The following KAZN variants were observed in gnomAD, a reference collection of about 807,000 sequenced individuals.
KAZN encodes kazrin, periplakin interacting protein.
A neutral mutation model predicts 87.4 loss-of-function variants in KAZN; 40 were observed. The ratio of observed to expected loss-of-function variants is 0.46; its 90% CI spans 0.36 to 0.60. KAZN has a LOEUF of 0.60. Ranked by LOEUF, KAZN falls within the 20% of genes least tolerant of loss-of-function variation. KAZN has a pLI of 0.00. For synonymous variants in KAZN, 466 were observed against 458.3 expected, an observed-to-expected ratio of 1.02 and a Z score of -0.22; for missense variants, 898 against 1,073.9, an observed-to-expected ratio of 0.84 and a Z score of 2.29.
chr1:14,240,808 T>C (rs1458380473), intron 2 of KAZN, among the ~76,000 whole-genome samples: 1 of 152,250 alleles, frequency 6.6e-6, no homozygotes, highest in Non-Finnish European at 1.5e-5. Flanking sequence ...GAGCCAGCTT[T>C]GTAGGATTTC....
At chr1:14,127,458 C>T (rs1644898660) in intron 1 of KAZN, among the ~76,000 whole-genome samples, 2 of 149,154 alleles carry the variant, frequency 1.3e-5, no homozygotes, top group African/African-American at 5.0e-5. Flanking sequence ...AAAGGTTCAC[C>T]TAACACTGGA....
In KAZN at chr1:14,185,164, G is replaced by A. The variant is rs539663751; in HGVS notation, c.249+4572G>A. 2.6e-4 allele frequency among the ~76,000 whole-genome samples: 39 copies of A among 152,194 alleles called. 1 individual carries two copies. The South Asian group carries it at 7.9e-3, about 31-fold the overall frequency. ...GGCTATGGATGGTACCGCACATGTG[G>A]GTTTTCCTTATCCTCTGGGATGTAA... On this transcript the variant is annotated intron_variant, in intron 2 of 16. Coordinates refer to the KAZN transcript ENST00000636203.
intron 13 of KAZN, among the ~76,000 whole-genome samples, chr1:15,106,124 T>G (rs543429238): frequency 6.6e-6 from 1 of 151,968 alleles, no homozygotes; most frequent in Non-Finnish European, 1.5e-5. Flanking sequence ...TACTAAAAAT[T>G]AAAAAAATTC....
intron 1 of KAZN, among the ~76,000 whole-genome samples, chr1:14,873,368 T>G (rs1040697781): frequency 1.3e-5 from 2 of 152,278 alleles, no homozygotes; most frequent in Middle Eastern, 3.4e-3. Flanking sequence ...GTAAGCACTA[T>G]GAAGGAAAAT....
chr1:14,598,636 C>T (rs958149149), upstream of KAZN: 3 of 1,125,124 alleles, frequency 2.7e-6, no homozygotes, highest in African/African-American at 3.3e-5. The surrounding 1 kb of genome is among the most constrained non-coding windows in gnomAD (Gnocchi z 4.2). Context: ...CCCGAGCCGG[C>T]GGCGAATGGT....
At chr1:14,713,814 G>T (rs1422394029) in intron 1 of KAZN, among the ~76,000 whole-genome samples, 4 of 134,950 alleles carry the variant, frequency 3.0e-5, no homozygotes, top group African/African-American at 1.2e-4. Context: ...AGAATAATTA[G>T]GTGTGGTGAT....
intron 2 of KAZN, among the ~76,000 whole-genome samples, chr1:14,382,178 A>G (rs1486600549): frequency 6.6e-6 from 1 of 152,190 alleles, no homozygotes; most frequent in African/African-American, 2.4e-5. Flanking sequence ...ACACCAAAAA[A>G]AAGATATTCC....
intron 2 of KAZN, among the ~76,000 whole-genome samples, chr1:14,502,003 G>C (rs746954018): frequency 6.6e-6 from 1 of 152,138 alleles, no homozygotes; most frequent in Non-Finnish European, 1.5e-5. Flanking sequence ...GATTTTTGAG[G>C]GTTGGGTTAT....
chr1:14,348,045 T>C, intron 2 of KAZN, among the ~76,000 whole-genome samples: 1 of 97,968 alleles, frequency 1.0e-5, no homozygotes, highest in East Asian at 3.0e-4. Context: ...TCACCACACC[T>C]GGCTAATTTT....
At chr1:14,779,554 G>C (rs965778470) in intron 1 of KAZN, among the ~76,000 whole-genome samples, 3 of 152,152 alleles carry the variant, frequency 2.0e-5, no homozygotes, top group African/African-American at 4.8e-5. Flanking sequence ...CCCTGACCTC[G>C]CAGAAATACT....
rs903974136 is a variant in KAZN at position 15,015,157 on chromosome 1, T to C, written c.419-19592T>C. ...TTTTATTTATTTATTTATTTATTTA[T>C]TTATTTATTTATTTGAGACGGAGTC... On this transcript the variant is annotated intron_variant, in intron 2 of 14. Coordinates refer to ENST00000376030, the MANE Select transcript of KAZN (RefSeq NM_201628.3). Among the ~76,000 whole-genome samples the C allele has an allele frequency of 2.0e-5, 3 of 151,192 alleles. No homozygotes were observed. In the South Asian group the frequency reaches 6.2e-4, roughly 31 times the overall value.
intron 14 of KAZN, chr1:15,113,080 A>T (rs562060164): frequency 6.5e-6 from 1 of 153,770 alleles, no homozygotes; most frequent in East Asian, 1.9e-4. Context: ...AGATTCCTCA[A>T]TGGAAATGCA....
At chr1:14,324,628 G>C (rs192419891) in intron 2 of KAZN, among the ~76,000 whole-genome samples, 36 of 152,240 alleles carry the variant, frequency 2.4e-4, no homozygotes, top group Admixed American at 4.6e-4. Context: ...CTTCAAGGGT[G>C]TTATGGAGTG....
At chr1:14,924,097 G>C in intron 1 of KAZN, 2 of 979,600 alleles carry the variant, frequency 2.0e-6, no homozygotes, top group Non-Finnish European at 2.4e-6. Context: ...TCGCCAGCCC[G>C]GAAGGAGCGG....
At chr1:14,209,001 G>T (rs1429901197) in intron 2 of KAZN, among the ~76,000 whole-genome samples, 1 of 152,248 alleles carries the variant, frequency 6.6e-6, no homozygotes, top group African/African-American at 2.4e-5. Flanking sequence ...GGACATCACA[G>T]TGTCTGTTTT....
chr1:14,484,082 G>A (rs747486171), intron 2 of KAZN, among the ~76,000 whole-genome samples: 45 of 152,130 alleles, frequency 3.0e-4, no homozygotes, highest in Non-Finnish European at 6.2e-4. Context: ...TAGATGCATG[G>A]ATTTATTTCG....
chr1:15,112,114 G>C (rs1641649565), intron 13 of KAZN: 1 of 410,558 alleles, frequency 2.4e-6, no homozygotes, highest in Non-Finnish European at 4.5e-6. Flanking sequence ...ACTTTGGAGT[G>C]TCAGAAGCCT....
chr1:14,954,301 C>A (rs1037485279), intron 1 of KAZN, among the ~76,000 whole-genome samples: 1 of 152,244 alleles, frequency 6.6e-6, no homozygotes, highest in Admixed American at 6.5e-5. Context: ...CACTGTGGTT[C>A]CCCAGCGTCA....
intron 2 of KAZN, among the ~76,000 whole-genome samples, chr1:14,334,857 A>G (rs1331888528): frequency 1.3e-5 from 2 of 152,204 alleles, no homozygotes; most frequent in African/African-American, 4.8e-5. Context: ...GCAGAGGCAG[A>G]CAGAGACACA....
Sources: gnomAD v4.1 joint callset for allele counts (sites outside exome capture counted in the v4.1 genomes callset) on GRCh38, gnomAD v4.1.1 for gene constraint, Gnocchi (gnomAD v3.1) non-coding constraint, MANE v1.5 for transcripts, NCBI Gene and HGNC (gene_info 2026-07-23, HGNC 2026-07-21) for gene names.